Variants in CPNE8 observed in about 807,000 individuals in gnomAD.
CPNE8 encodes the protein copine 8.
Under a neutral mutation model 81.5 loss-of-function variants are expected in CPNE8, and 45 were observed. The observed-to-expected ratio is 0.55, with a 90% CI of 0.44 to 0.71. The LOEUF (loss-of-function observed/expected upper bound fraction) is 0.71. Ranked by LOEUF, CPNE8 falls within the 30% of genes least tolerant of loss-of-function variation. The probability of loss-of-function intolerance (pLI) is 0.00; values close to 1 mark genes in which losing one functional copy is unlikely to be tolerated. For synonymous variants in CPNE8, 252 were observed against 226.3 expected (o/e 1.11, Z -1.02); for missense variants, 594 against 672.1 (o/e 0.88, Z 1.28).
At chr12:38,711,646 T>C (rs1354950217) in intron 13 of CPNE8, among the ~76,000 whole-genome samples, 1 of 152,126 alleles carries the variant, frequency 6.6e-6, no homozygotes, top group Non-Finnish European at 1.5e-5. Flanking sequence ...CTGTTGTATT[T>C]GTAGTAGAGA....
intron 10 of CPNE8, among the ~76,000 whole-genome samples, chr12:38,749,113 T>G (rs1352506332): frequency 2.0e-5 from 3 of 152,108 alleles, no homozygotes; most frequent in Non-Finnish European, 4.4e-5. Flanking sequence ...GGGCGGGTCT[T>G]TCTCATGTTG....
rs74825299 is a variant in CPNE8 at position 38,785,437 on chromosome 12, T to C, written c.408-9136A>G. Among the ~76,000 whole-genome samples the C allele has an allele frequency of 7.6e-3, 1,156 of 152,136 alleles. 17 individuals carry two copies. The highest frequency in any genetic ancestry group is 0.027 in the African/African-American group (1,108 of 41,506). The stretch of plus-strand genomic sequence containing the variant: ...AATTATAGCTCCCATAATTCCCACA[T>C]GTTGTGGAGGGACCTGGTGGGAGGT... On this transcript the variant is annotated intron_variant, in intron 6 of 19. Transcript: ENST00000331366.
At chr12:38,881,869 C>G (rs1944163426) in intron 1 of CPNE8, among the ~76,000 whole-genome samples, 2 of 151,950 alleles carry the variant, frequency 1.3e-5, no homozygotes, top group Non-Finnish European at 1.5e-5. Flanking sequence ...CTGATTTCAG[C>G]TGGAAAAGGG....
chr12:38,706,975 AG>A (rs1940122412), intron 13 of CPNE8, among the ~76,000 whole-genome samples: 1 of 152,160 alleles, frequency 6.6e-6, no homozygotes, highest in Non-Finnish European at 1.5e-5. Context: ...TACAAAGAAA[AG>A]TTATGGCTAT....
intron 10 of CPNE8, among the ~76,000 whole-genome samples, chr12:38,757,740 C>T (rs1467288722): frequency 6.6e-6 from 1 of 151,908 alleles, no homozygotes; most frequent in Non-Finnish European, 1.5e-5. Flanking sequence ...GAGCACTTTA[C>T]TCAAACATTA....
chr12:38,712,198 T>C (rs544343786), intron 13 of CPNE8, among the ~76,000 whole-genome samples: 1 of 149,910 alleles, frequency 6.7e-6, no homozygotes, highest in African/African-American at 2.5e-5. Context: ...TCCAATGCAA[T>C]GATGCCATTT....
chr12:38,675,954 C>T (rs545615205), intron 17 of CPNE8, among the ~76,000 whole-genome samples, 180 bp from the exon 18 acceptor site: 6 of 151,320 alleles, frequency 4.0e-5, no homozygotes, highest in African/African-American at 1.5e-4. Flanking sequence ...ACCCCATCTA[C>T]ACCAAAAAAT....
intron 6 of CPNE8, 50 bp downstream of exon 6, chr12:38,829,329 T>C (rs1943248186): frequency 1.5e-6 from 2 of 1,296,644 alleles, no homozygotes; most frequent in East Asian, 2.3e-5. Context: ...ACTGACAAAA[T>C]AGAAACTGTT....
At chr12:38,841,827 C>A (rs1943471940) in intron 4 of CPNE8, among the ~76,000 whole-genome samples, 1 of 152,034 alleles carries the variant, frequency 6.6e-6, no homozygotes, top group African/African-American at 2.4e-5. Context: ...AATAGTCTCT[C>A]CTCCAGAAGT....
chr12:38,856,481 A>C (rs753771312), intron 3 of CPNE8, among the ~76,000 whole-genome samples: 4 of 152,162 alleles, frequency 2.6e-5, no homozygotes, highest in Non-Finnish European at 4.4e-5. Flanking sequence ...GAACAAATTC[A>C]ACAGCACATT....
At chr12:38,693,507 A>G in intron 15 of CPNE8, 150 bp downstream of exon 15, 1 of 592,592 alleles carries the variant, frequency 1.7e-6, no homozygotes, top group South Asian at 2.9e-5. Flanking sequence ...TTTCCCATTA[A>G]GTTCACACTC....
At chr12:38,895,626 C>T (rs1045701691) in intron 1 of CPNE8, among the ~76,000 whole-genome samples, 1 of 152,096 alleles carries the variant, frequency 6.6e-6, no homozygotes, top group African/African-American at 2.4e-5. Context: ...CTACTCAAAG[C>T]TCTCACCAGT....
chr12:38,869,221 G>T (rs1181744676), intron 3 of CPNE8, among the ~76,000 whole-genome samples: 1 of 152,074 alleles, frequency 6.6e-6, no homozygotes, highest in South Asian at 2.1e-4. Context: ...CTTGTGCAAA[G>T]AATTTTACAG....
chr12:38,845,543 T>C (rs1236848151), intron 4 of CPNE8, among the ~76,000 whole-genome samples: 1 of 152,080 alleles, frequency 6.6e-6, no homozygotes, highest in East Asian at 1.9e-4. Flanking sequence ...ACCATGAATA[T>C]GTTACTTTTA....
intron 6 of CPNE8, among the ~76,000 whole-genome samples, chr12:38,780,485 T>C (rs1455097384): frequency 2.0e-5 from 3 of 152,008 alleles, no homozygotes; most frequent in African/African-American, 4.8e-5. Flanking sequence ...AATTTCTAGA[T>C]TCAGAAAGCT....
intron 10 of CPNE8, among the ~76,000 whole-genome samples, chr12:38,745,564 A>C (rs1307952276): frequency 1.3e-5 from 2 of 152,184 alleles, no homozygotes; most frequent in Non-Finnish European, 2.9e-5. Flanking sequence ...TTTGTTTGAG[A>C]CAGGGTCTCC....
chr12:38,864,237 A>G (rs1041195569), intron 3 of CPNE8, among the ~76,000 whole-genome samples: 13 of 152,164 alleles, frequency 8.5e-5, no homozygotes, highest in African/African-American at 2.9e-4. Context: ...CAAGAACTAT[A>G]GCCCATAGGC....
intron 3 of CPNE8, among the ~76,000 whole-genome samples, chr12:38,853,964 T>C (rs1943686652): frequency 6.6e-6 from 1 of 151,952 alleles, no homozygotes; most frequent in Admixed American, 6.6e-5. Context: ...GTGAAAGTGA[T>C]GAAGAAAAAA....
chr12:38,704,597 A>C (rs1426082592), intron 13 of CPNE8, among the ~76,000 whole-genome samples: 1 of 151,912 alleles, frequency 6.6e-6, no homozygotes, highest in Non-Finnish European at 1.5e-5. Flanking sequence ...GAACACTTCC[A>C]TTAGCCTATA....
Sources: gnomAD v4.1 joint callset for allele counts (sites outside exome capture counted in the v4.1 genomes callset) on GRCh38, gnomAD v4.1.1 for gene constraint, MANE v1.5 for transcripts, NCBI Gene and HGNC (gene_info 2026-07-23, HGNC 2026-07-21) for gene names.